The following SSU72 variants were observed in gnomAD, a reference collection of about 807,000 sequenced individuals.
SSU72 encodes the protein SSU72 homolog, RNA polymerase II CTD phosphatase, also known as RNA polymerase II subunit A C-terminal domain phosphatase SSU72.
Under a neutral mutation model 22.7 loss-of-function variants are expected in SSU72, and 12 were observed. The ratio of observed to expected loss-of-function variants is 0.53; its 90% CI spans 0.34 to 0.86. SSU72 has a LOEUF of 0.86. Ranked by LOEUF, SSU72 falls within the 40% of genes least tolerant of loss-of-function variation. SSU72 has a pLI of 0.02. For missense variants in SSU72, 151 were observed against 249.8 expected, an observed-to-expected ratio of 0.60 and a Z score of 2.67; for synonymous variants, 116 against 98.3, an observed-to-expected ratio of 1.18 and a Z score of -1.06.
intron 2 of SSU72, chr1:1,545,251 C>G: frequency 2.0e-6 from 1 of 489,640 alleles, no homozygotes; most frequent in Non-Finnish European, 3.7e-6. Flanking sequence ...CAAAAAGACC[C>G]AAGGCCCGCA....
chr1:1,565,131 C>T (rs1197758020), intron 1 of SSU72, among the ~76,000 whole-genome samples: 7 of 151,548 alleles, frequency 4.6e-5, no homozygotes, highest in Non-Finnish European at 8.8e-5. Flanking sequence ...TGAAGGCAGG[C>T]GGATCATGAA....
At chr1:1,547,179 T>C (rs995314380) in intron 2 of SSU72, among the ~76,000 whole-genome samples, 32 of 151,866 alleles carry the variant, frequency 2.1e-4, no homozygotes, top group South Asian at 2.1e-4. Context: ...GGCACAGGGA[T>C]CACCCTCCCT....
intron 3 of SSU72, among the ~76,000 whole-genome samples, chr1:1,544,447 G>A (rs560498537): frequency 5.7e-4 from 87 of 152,024 alleles, no homozygotes; most frequent in South Asian, 2.7e-3. Flanking sequence ...GTGAAACCCC[G>A]TCTCTACTAA....
At chr1:1,555,385 C>T (rs1359314187) in intron 2 of SSU72, among the ~76,000 whole-genome samples, 1 of 152,208 alleles carries the variant, frequency 6.6e-6, no homozygotes, top group Non-Finnish European at 1.5e-5. Context: ...CAGTGACTGC[C>T]CAGGGCTCTG....
intron 2 of SSU72, among the ~76,000 whole-genome samples, chr1:1,557,705 G>A (rs1300699380): frequency 6.6e-6 from 1 of 151,864 alleles, no homozygotes; most frequent in African/African-American, 2.4e-5. Flanking sequence ...TGCTGAGGCA[G>A]GAGAATCGCT....
At chr1:1,568,184 A>G (rs765407792) in intron 1 of SSU72, among the ~76,000 whole-genome samples, 8 of 152,388 alleles carry the variant, frequency 5.2e-5, no homozygotes, top group South Asian at 4.1e-4. Context: ...CGTTTCTTAC[A>G]TAAAAGCAAG....
chr1:1,571,940 G>A (rs1570402481), intron 1 of SSU72, among the ~76,000 whole-genome samples: 1 of 151,330 alleles, frequency 6.6e-6, no homozygotes, highest in Non-Finnish European at 1.5e-5. Flanking sequence ...GACTACAGGC[G>A]CCCGTCACTA....
chr1:1,556,274 T>C (rs1217708382), intron 2 of SSU72, among the ~76,000 whole-genome samples: 3 of 152,156 alleles, frequency 2.0e-5, no homozygotes, highest in African/African-American at 7.2e-5. Context: ...CTATTAAAAA[T>C]ACAAAGAATT....
At chr1:1,564,721 C>CTGGA (rs1187548039) in intron 2 of SSU72, 52 bp downstream of exon 2, 1 of 1,614,250 alleles carries the variant, frequency 6.2e-7, no homozygotes. Context: ...CACGTAACAC[C>CTGGA]TTCCAGGGAG....
At chr1:1,565,785 C>T (rs1642654544) in intron 1 of SSU72, among the ~76,000 whole-genome samples, 1 of 108,212 alleles carries the variant, frequency 9.2e-6, no homozygotes, top group Non-Finnish European at 1.7e-5. Flanking sequence ...TTTTCCTAAT[C>T]AACTGGAGAA....
intron 2 of SSU72, among the ~76,000 whole-genome samples, chr1:1,547,594 C>T (rs917672226): frequency 4.6e-5 from 7 of 152,330 alleles, no homozygotes; most frequent in South Asian, 2.1e-4. Flanking sequence ...CTCACAGGGA[C>T]GCAAGATCCC....
intron 1 of SSU72, among the ~76,000 whole-genome samples, chr1:1,567,139 G>A (rs1642671259): frequency 6.6e-6 from 1 of 152,262 alleles, no homozygotes. Context: ...CCATGGGGCA[G>A]GACAGGCCAT....
chr1:1,572,749 G>A (rs190403596), intron 1 of SSU72, among the ~76,000 whole-genome samples: 2 of 151,250 alleles, frequency 1.3e-5, no homozygotes, highest in Admixed American at 6.6e-5. Flanking sequence ...GAGCCACTGC[G>A]CCCGGCCTAC....
chr1:1,554,267 C>A lies in SSU72; in HGVS notation c.225-9265G>T, dbSNP rs551289387. Among the ~76,000 whole-genome samples the A allele has an allele frequency of 2.2e-5, 3 of 137,774 alleles. No individual in the cohort carries two copies. The highest frequency in any genetic ancestry group is 4.7e-5 in the Non-Finnish European group (3 of 63,854). 90.4% of individuals were successfully genotyped at this position (137,774 alleles called of 152,430 possible). A position where few individuals can be genotyped will look rare whatever the true frequency, so the allele number is the denominator to read the frequency against. On this transcript the variant is annotated intron_variant, in intron 2 of 4. Transcript: ENST00000291386. This position sits in a 1 kb window ranked among gnomAD's most constrained non-coding sequence, Gnocchi z 4.1. ...GAGGCGGACCCGGACCACTCGGGGGCCCCCACGAAGCTGAGCACGAGACGG... is the reference window on the plus strand; with the variant it reads ...GAGGCGGACCCGGACCACTCGGGGGACCCCACGAAGCTGAGCACGAGACGG...
chr1:1,561,295 G>C (rs1395426422), intron 2 of SSU72: 1 of 152,196 alleles, frequency 6.6e-6, no homozygotes, highest in Non-Finnish European at 1.5e-5. Context: ...ATGTTGGCCA[G>C]GCTGGTCTCT....
chr1:1,565,182 G>A (rs1189367552), intron 1 of SSU72, among the ~76,000 whole-genome samples: 2 of 152,060 alleles, frequency 1.3e-5, no homozygotes, highest in African/African-American at 2.4e-5. Flanking sequence ...GACCATCCTG[G>A]CTAACACGGT....
At chr1:1,565,594 ACT>A (rs1194157195) in intron 1 of SSU72, among the ~76,000 whole-genome samples, 10 of 152,242 alleles carry the variant, frequency 6.6e-5, no homozygotes, top group African/African-American at 2.4e-4. Flanking sequence ...ACCACAGGAA[ACT>A]CTGTCTCCCC....
At chr1:1,549,741 G>A (rs1365459438) in intron 2 of SSU72, among the ~76,000 whole-genome samples, 2 of 151,968 alleles carry the variant, frequency 1.3e-5, no homozygotes, top group African/African-American at 4.8e-5. Flanking sequence ...TTGGGAGGCC[G>A]AGGCGGGTGG....
At chr1:1,570,145 T>C (rs1642709760) in intron 1 of SSU72, among the ~76,000 whole-genome samples, 1 of 151,046 alleles carries the variant, frequency 6.6e-6, no homozygotes, top group Admixed American at 6.6e-5. Flanking sequence ...AAAGCAAAAA[T>C]GCTCTGGGTG....
Sources: gnomAD v4.1 joint callset for allele counts (sites outside exome capture counted in the v4.1 genomes callset) on GRCh38, gnomAD v4.1.1 for gene constraint, Gnocchi (gnomAD v3.1) non-coding constraint, MANE v1.5 for transcripts, NCBI Gene and HGNC (gene_info 2026-07-23, HGNC 2026-07-21) for gene names.